Variants in SECISBP2L observed in about 807,000 individuals in gnomAD.
SECISBP2L encodes the protein SECIS binding protein 2 like.
A neutral mutation model predicts 114.7 loss-of-function variants in SECISBP2L; 43 were observed. That is an observed-to-expected ratio of 0.38 (90% CI 0.29 to 0.48). SECISBP2L has a LOEUF of 0.48. Among genes scored for constraint, SECISBP2L ranks in the 20% least tolerant of loss-of-function variants. The pLI is 0.98. For missense variants in SECISBP2L, 1,136 were observed against 1,301.1 expected (o/e 0.87, Z 1.95); for synonymous variants, 451 against 439.7 (o/e 1.03, Z -0.32).
Position 48,992,863 on chromosome 15 carries a change from T to A in SECISBP2L, c.2687A>T (p.Glu896Val). 1 of 1,614,192 alleles carries A rather than the reference T, an allele frequency of 6.2e-7. No individual in the cohort carries two copies. The highest frequency in any genetic ancestry group is 1.7e-5 in the Admixed American group (1 of 60,020). The change falls in exon 18 of 18, where the codon GAG becomes GTG. Residue 896 changes from glutamate (E) to valine (V), a missense_variant. This residue lies in a region of SECISBP2L where 684 missense variants were observed against 848.7 expected (regional missense o/e 0.81). Coordinates refer to ENST00000559471, the MANE Select transcript of SECISBP2L (RefSeq NM_001193489.2). ...DGLEASENEK[E>V]VSCKHSTSEK... ...AGAAGTGCTGTGCTTACAGGATACC[T>A]CTTTCTCATTTTCTGATGCTTCCAG...
At chr15:48,994,995 G>T (rs986809908) in intron 17 of SECISBP2L, among the ~76,000 whole-genome samples, 1 of 151,666 alleles carries the variant, frequency 6.6e-6, no homozygotes, top group Non-Finnish European at 1.5e-5. Flanking sequence ...CCAAGACCCC[G>T]AGATTAACTG....
chr15:49,034,664 C>CTTTTGTTT lies in SECISBP2L; in HGVS notation c.528+662_528+669dup, dbSNP rs1555387323. Among the ~76,000 whole-genome samples the CTTTTGTTT allele has an allele frequency of 2.5e-3, 161 of 63,414 alleles. 2 individuals carry two copies. The highest frequency in any genetic ancestry group is 7.6e-3 in the South Asian group (14 of 1,844). 41.6% of individuals were successfully genotyped at this position (63,414 alleles called of 152,430 possible). A position where few individuals can be genotyped will look rare whatever the true frequency, so the allele number is the denominator to read the frequency against. On this transcript the variant is annotated intron_variant, in intron 3 of 17. Coordinates refer to ENST00000559471, the MANE Select transcript of SECISBP2L (RefSeq NM_001193489.2). ...TAACTTTTGAAGATTGAAAGTATAT[C>CTTTTGTTT]TTTTGTTTTTTTTTTTTTGAGACAG... is the stretch of plus-strand genomic sequence containing the variant.
At chr15:48,993,100 AGTGTGTGTGTGTGTGT>A (rs71120653) in intron 17 of SECISBP2L, among the ~76,000 whole-genome samples, 174 bp from the exon 18 acceptor site, 7 of 139,130 alleles carry the variant, frequency 5.0e-5, no homozygotes, top group East Asian at 2.1e-4. Context: ...ACAGAGAGAG[AGTGTGTGTGTGTGTGT>A]GTGTGTGTGT....
At chr15:48,999,373 G>C (rs966299100) in intron 16 of SECISBP2L, among the ~76,000 whole-genome samples, 2 of 152,114 alleles carry the variant, frequency 1.3e-5, no homozygotes, top group Admixed American at 6.6e-5. Context: ...GATGATGGTT[G>C]ATAGTATCAT....
chr15:48,992,988 T>A, intron 17 of SECISBP2L, 62 bp from the exon 18 acceptor site: 6 of 1,356,988 alleles, frequency 4.4e-6, no homozygotes, highest in Non-Finnish European at 6.1e-6. Flanking sequence ...TGCAACTCTT[T>A]AAAAACCCCC....
intron 3 of SECISBP2L, among the ~76,000 whole-genome samples, chr15:49,033,455 A>G (rs1306168056): frequency 6.6e-6 from 1 of 152,240 alleles, no homozygotes; most frequent in Non-Finnish European, 1.5e-5. Context: ...TTAAAAGGGT[A>G]GTAACCTATC....
chr15:49,012,312 G>A (rs1902452016), intron 12 of SECISBP2L, among the ~76,000 whole-genome samples: 2 of 152,108 alleles, frequency 1.3e-5, no homozygotes, highest in African/African-American at 4.8e-5. Flanking sequence ...GAGTAAAATG[G>A]TTGCCTAAAA....
At chr15:49,030,718 T>C (rs978107070) in intron 4 of SECISBP2L, among the ~76,000 whole-genome samples, 2 of 152,230 alleles carry the variant, frequency 1.3e-5, no homozygotes, top group Non-Finnish European at 2.9e-5. Flanking sequence ...CAATCTGAAA[T>C]AGATTTGCAT....
rs947125332 is a variant in SECISBP2L, at chr15:48,989,796, G to A, written c.*2448C>T. ...GGATCTCTTTATAGGTCTTCAAAGA[G>A]CCAACCATGCCCACTTCAAAAAATA... On this transcript the variant is annotated 3_prime_UTR_variant, in exon 18 of 18. Transcript: ENST00000559471. 1.3e-5 allele frequency: 2 copies of A among 152,140 alleles called. No homozygotes were observed. The highest frequency in any genetic ancestry group is 2.4e-5 in the African/African-American group (1 of 41,410). 9.4% of individuals were successfully genotyped at this position (152,140 alleles called of 1,614,324 possible). A position where few individuals can be genotyped will look rare whatever the true frequency, so the allele number is the denominator to read the frequency against.
intron 13 of SECISBP2L, among the ~76,000 whole-genome samples, chr15:49,010,079 C>T (rs935659088): frequency 1.4e-5 from 2 of 147,212 alleles, no homozygotes; most frequent in South Asian, 2.2e-4. Flanking sequence ...TTGCAGTGAG[C>T]CAAGATGGCA....
At chr15:49,028,731 T>C (rs540407506) in intron 4 of SECISBP2L, 49 bp from the exon 5 acceptor site, 2 of 1,409,660 alleles carry the variant, frequency 1.4e-6, no homozygotes, top group South Asian at 2.3e-5. Flanking sequence ...AACAAATTGA[T>C]AAATTCTCAT....
Position 49,016,584 on chromosome 15 carries a change from T to C in SECISBP2L, c.1537A>G (p.Asn513Asp). Residue 513 changes from asparagine (N) to aspartate (D), a missense_variant, in exon 11 of 18, where the codon AAC (asparagine) becomes GAC (aspartate). By Grantham distance (23) the Asn-to-Asp change is conservative (BLOSUM62 1). Coordinates refer to ENST00000559471, the MANE Select transcript of SECISBP2L (RefSeq NM_001193489.2). ...CCTGTATATGACAGAGGTCTGGTGT[T>C]AGTAATTTGCCGTGCTTTCATTGCT... ...QQAMKARQITNTRPLSYTVVT... is the reference protein window; with the variant it reads ...QQAMKARQITDTRPLSYTVVT... The C allele has an allele frequency of 6.2e-7, 1 of 1,611,008 alleles. No homozygotes were observed. Among genetic ancestry groups the C allele is most frequent in the Non-Finnish European group, 8.5e-7 (1 of 1,178,284 alleles).
intron 1 of SECISBP2L, 36 bp downstream of exon 1, chr15:49,046,240 C>T (rs550037004): frequency 6.4e-7 from 1 of 1,571,806 alleles, no homozygotes; most frequent in South Asian, 1.2e-5. Flanking sequence ...GCGACCCCAA[C>T]CCCCGGCTCG....
intron 14 of SECISBP2L, among the ~76,000 whole-genome samples, chr15:49,001,488 A>C (rs1177594775): frequency 6.9e-6 from 1 of 145,086 alleles, no homozygotes; most frequent in Non-Finnish European, 1.5e-5. Flanking sequence ...ATTATCCTTT[A>C]AGTTCTGGGA....
intron 15 of SECISBP2L, among the ~76,000 whole-genome samples, chr15:49,000,297 A>G (rs970521023): frequency 1.3e-5 from 2 of 152,236 alleles, no homozygotes; most frequent in Non-Finnish European, 2.9e-5. Flanking sequence ...AAAATTGTCA[A>G]TAGTGGCTGA....
rs185952189 is a variant in SECISBP2L at position 49,004,966 on chromosome 15, T to C, written c.2028-3869A>G. On this transcript the variant is annotated intron_variant, in intron 14 of 17. Coordinates refer to ENST00000559471, the MANE Select transcript of SECISBP2L (RefSeq NM_001193489.2). ...CAGGTCTGCTTCATCCAGAGCTGAGTTCAAGTCCTGAATATCCTTATTAAT... is the reference window on the plus strand; with the variant it reads ...CAGGTCTGCTTCATCCAGAGCTGAGCTCAAGTCCTGAATATCCTTATTAAT... Among the ~76,000 whole-genome samples the C allele has an allele frequency of 1.1e-3, 169 of 152,322 alleles. 3 individuals are homozygous for C. Among genetic ancestry groups the C allele is most frequent in the Admixed American group, 9.2e-3 (141 of 15,300 alleles).
chr15:49,011,521 C>A (rs779205053), intron 13 of SECISBP2L: 37 of 437,524 alleles, frequency 8.5e-5, no homozygotes, highest in Non-Finnish European at 1.3e-4. Flanking sequence ...TCAAAAATGT[C>A]ATAGGCCTAC....
At chr15:49,023,213 T>C (rs931228661) in intron 7 of SECISBP2L, among the ~76,000 whole-genome samples, 1 of 152,158 alleles carries the variant, frequency 6.6e-6, no homozygotes, top group Admixed American at 6.5e-5. Context: ...AGGAATTTGA[T>C]AAAAACTTGA....
chr15:49,038,226 C>G (rs1903051870), intron 1 of SECISBP2L, among the ~76,000 whole-genome samples: 1 of 151,774 alleles, frequency 6.6e-6, no homozygotes, highest in Non-Finnish European at 1.5e-5. Context: ...GAAATTAGAT[C>G]AGTATCATTA....
Sources: gnomAD v4.1 joint callset for allele counts (sites outside exome capture counted in the v4.1 genomes callset) on GRCh38, gnomAD v4.1.1 for gene constraint, gnomAD v4.1.1 regional missense constraint, MANE v1.5 for transcripts, NCBI Gene and HGNC (gene_info 2026-07-23, HGNC 2026-07-21) for gene names.